USP10: variants seen among roughly 807,000 people sequenced by gnomAD.
USP10 encodes the protein ubiquitin specific peptidase 10.
In USP10, 22 loss-of-function variants were observed where a neutral mutation model predicts 84.5. The ratio of observed to expected loss-of-function variants is 0.26; its 90% CI spans 0.19 to 0.37. USP10 has a LOEUF of 0.37. Among genes scored for constraint, USP10 ranks in the 10% least tolerant of loss-of-function variants. USP10 has a pLI of 1.00. For missense variants in USP10, 1,019 were observed against 998.9 expected, an observed-to-expected ratio of 1.02 and a Z score of -0.27; for synonymous variants, 454 against 387.6, an observed-to-expected ratio of 1.17 and a Z score of -2.01.
At chr16:84,736,369 A>G (rs1373321643) in intron 2 of USP10, among the ~76,000 whole-genome samples, 1 of 152,242 alleles carries the variant, frequency 6.6e-6, no homozygotes, top group Non-Finnish European at 1.5e-5. Context: ...GCCTCCTGCC[A>G]GCGGAGGGCT....
chr16:84,721,289 T>TA (rs1907772757), intron 1 of USP10, among the ~76,000 whole-genome samples: 1 of 152,110 alleles, frequency 6.6e-6, no homozygotes, highest in African/African-American at 2.4e-5. Context: ...TGCCTACAAA[T>TA]AGGGTGTACT....
intron 3 of USP10, among the ~76,000 whole-genome samples, chr16:84,741,630 C>A (rs532529786): frequency 6.6e-6 from 1 of 152,296 alleles, no homozygotes; most frequent in East Asian, 1.9e-4. Flanking sequence ...TGCTTCTTGG[C>A]CCTTTTTCTC....
intron 1 of USP10, among the ~76,000 whole-genome samples, chr16:84,705,698 A>G (rs1003811207): frequency 1.3e-4 from 19 of 148,648 alleles, no homozygotes; most frequent in African/African-American, 4.5e-4. Context: ...GTACAGACAT[A>G]ATCATGCCCT....
At chr16:84,712,965 G>A (rs1402122667) in intron 1 of USP10, among the ~76,000 whole-genome samples, 1 of 152,188 alleles carries the variant, frequency 6.6e-6, no homozygotes, top group African/African-American at 2.4e-5. Flanking sequence ...GCTCTTCCAG[G>A]ATTGTTAGTG....
chr16:84,710,057 G>T (rs1241389093), intron 1 of USP10, among the ~76,000 whole-genome samples: 1 of 152,148 alleles, frequency 6.6e-6, no homozygotes, highest in Non-Finnish European at 1.5e-5. Context: ...ATCACTTGAG[G>T]TAAGGAGTTT....
At chr16:84,710,919 A>C (rs1233612965) in intron 1 of USP10, among the ~76,000 whole-genome samples, 2 of 152,172 alleles carry the variant, frequency 1.3e-5, no homozygotes, top group Non-Finnish European at 2.9e-5. Flanking sequence ...TTTCGCATGA[A>C]TAGCAATAAC....
intron 1 of USP10, among the ~76,000 whole-genome samples, chr16:84,720,791 C>T (rs1055457478): frequency 6.7e-6 from 1 of 150,184 alleles, no homozygotes. Context: ...ACCGTATTAG[C>T]GGGGATGGTC....
At chr16:84,758,957 A>AC in intron 5 of USP10, 150 bp downstream of exon 5, 1 of 651,426 alleles carries the variant, frequency 1.5e-6, no homozygotes, top group Non-Finnish European at 2.7e-6. Flanking sequence ...TACCTTGCTT[A>AC]TAAACAGGAT....
In USP10 at chr16:84,743,109, A is replaced by G. The variant is rs181269801; in HGVS notation, c.152-1524A>G. On this transcript the variant is annotated intron_variant, in intron 3 of 13. Coordinates refer to ENST00000219473, the MANE Select transcript of USP10 (RefSeq NM_005153.3). ...GGGAATAGGGGATGTATGGAACCAA[A>G]ATGAACAGCCAGCCCCTACATATGA... Among the ~76,000 whole-genome samples, 4 of 152,302 alleles carry G rather than the reference A, an allele frequency of 2.6e-5. No individual in the cohort carries two copies. In the East Asian group the frequency reaches 7.7e-4, roughly 29 times the overall value.
intron 1 of USP10, among the ~76,000 whole-genome samples, chr16:84,707,422 A>G (rs1905679053): frequency 6.6e-6 from 1 of 152,244 alleles, no homozygotes; most frequent in Non-Finnish European, 1.5e-5. Context: ...ACACGAAAAC[A>G]GCACAGACGT....
intron 4 of USP10, among the ~76,000 whole-genome samples, chr16:84,755,375 C>G (rs1475981314): frequency 1.3e-5 from 2 of 151,822 alleles, no homozygotes; most frequent in African/African-American, 4.8e-5. Context: ...GCTCCTTGCA[C>G]CCATGATCCT....
chr16:84,726,251 C>T (rs928618993), intron 1 of USP10, among the ~76,000 whole-genome samples: 4 of 152,244 alleles, frequency 2.6e-5, no homozygotes, highest in Admixed American at 2.6e-4. Flanking sequence ...CCAGCGTCTC[C>T]TGAAGCCGAA....
intron 1 of USP10, among the ~76,000 whole-genome samples, chr16:84,724,469 G>A (rs188645867): frequency 6.6e-6 from 1 of 152,296 alleles, no homozygotes; most frequent in East Asian, 1.9e-4. Flanking sequence ...CTCAATTGCA[G>A]TACTTTGACA....
At chr16:84,774,622 C>T (rs894078549) in intron 12 of USP10, among the ~76,000 whole-genome samples, 1 of 152,032 alleles carries the variant, frequency 6.6e-6, no homozygotes, top group Non-Finnish European at 1.5e-5. Context: ...AGCCGCGTGC[C>T]ACCACGCCCG....
intron 2 of USP10, among the ~76,000 whole-genome samples, chr16:84,735,150 G>A (rs1176197454): frequency 2.6e-5 from 4 of 151,384 alleles, no homozygotes; most frequent in African/African-American, 9.7e-5. Flanking sequence ...TCATGCTTCA[G>A]CCCCTGAATA....
chr16:84,721,400 A>G (rs1907795942), intron 1 of USP10, among the ~76,000 whole-genome samples: 1 of 152,254 alleles, frequency 6.6e-6, no homozygotes, highest in Non-Finnish European at 1.5e-5. Context: ...TTGGTCTTCA[A>G]GAGCTTTGAT....
chr16:84,728,217 G>T (rs1908759880), intron 1 of USP10, among the ~76,000 whole-genome samples: 1 of 152,262 alleles, frequency 6.6e-6, no homozygotes, highest in Middle Eastern at 3.4e-3. Flanking sequence ...ACTTTTTGGT[G>T]TCACAAACAT....
intron 1 of USP10, chr16:84,704,938 A>T (rs971574336): frequency 1.3e-6 from 2 of 1,530,132 alleles, no homozygotes; most frequent in African/African-American, 2.7e-5. Context: ...GGCTCACATG[A>T]GAATTGTTAG....
At chr16:84,711,069 G>A (rs1906222055) in intron 1 of USP10, among the ~76,000 whole-genome samples, 1 of 152,144 alleles carries the variant, frequency 6.6e-6, no homozygotes, top group Admixed American at 6.5e-5. Context: ...ACAGTTGTGA[G>A]CAGATGAGAA....
Sources: allele counts gnomAD v4.1 joint callset (sites outside exome capture counted in the v4.1 genomes callset), GRCh38; gene constraint gnomAD v4.1.1; transcripts MANE v1.5; gene names NCBI Gene and HGNC (gene_info 2026-07-23, HGNC 2026-07-21).